Variants in NRG3 observed in about 807,000 individuals in gnomAD.
The protein encoded by NRG3 is pro-neuregulin-3, membrane-bound isoform.
In NRG3, 31 loss-of-function variants were observed where a neutral mutation model predicts 66.9. That is an observed-to-expected ratio of 0.46 (90% CI 0.35 to 0.63). The LOEUF (loss-of-function observed/expected upper bound fraction) is 0.63, where lower values mean the gene tolerates loss of function less well. Among genes scored for constraint, NRG3 ranks in the 20% least tolerant of loss-of-function variants. The probability of loss-of-function intolerance (pLI) is 0.00; values close to 1 mark genes in which losing one functional copy is unlikely to be tolerated. For missense variants in NRG3, 910 were observed against 878.9 expected, an observed-to-expected ratio of 1.04 and a Z score of -0.45; for synonymous variants, 393 against 359.4, an observed-to-expected ratio of 1.09 and a Z score of -1.06.
At chr10:81,894,738 C>T (rs1187253057) in intron 1 of NRG3, among the ~76,000 whole-genome samples, 1 of 152,174 alleles carries the variant, frequency 6.6e-6, no homozygotes, top group Non-Finnish European at 1.5e-5. Flanking sequence ...CCTGAGCGTT[C>T]TGTCCTCGTT....
At chr10:82,754,030 G>A (rs2058981198) in intron 3 of NRG3, among the ~76,000 whole-genome samples, 1 of 150,994 alleles carries the variant, frequency 6.6e-6, no homozygotes, top group Non-Finnish European at 1.5e-5. Flanking sequence ...AATTATTTCA[G>A]TATTTTTTCC....
intron 3 of NRG3, among the ~76,000 whole-genome samples, chr10:82,806,911 C>T (rs540019136): frequency 8.5e-5 from 13 of 152,294 alleles, no homozygotes; most frequent in African/African-American, 3.1e-4. Context: ...ACCTGCAAAT[C>T]ATTTTATTTT....
intron 3 of NRG3, among the ~76,000 whole-genome samples, chr10:82,768,085 C>G (rs184468959): frequency 5.3e-5 from 8 of 152,276 alleles, no homozygotes; most frequent in African/African-American, 1.9e-4. Context: ...GATGGCCTTC[C>G]AGGCTCCTTT....
chr10:82,852,524 C>T (rs2063611127), intron 3 of NRG3, among the ~76,000 whole-genome samples: 1 of 152,058 alleles, frequency 6.6e-6, no homozygotes, highest in African/African-American at 2.4e-5. Context: ...AATTAGCTCA[C>T]CTCTCTGAAA....
intron 2 of NRG3, among the ~76,000 whole-genome samples, chr10:82,596,676 A>G (rs2047300194): frequency 6.6e-6 from 1 of 152,100 alleles, no homozygotes; most frequent in South Asian, 2.1e-4. Flanking sequence ...AAAAGAAATA[A>G]TTTCACTTCT....
At chr10:82,814,735 T>C (rs1283621534) in intron 3 of NRG3, among the ~76,000 whole-genome samples, 2 of 152,250 alleles carry the variant, frequency 1.3e-5, no homozygotes, top group African/African-American at 4.8e-5. Context: ...GTATTTTCTG[T>C]ATAATTTAAA....
chr10:81,973,386 T>TATA (rs570039121), intron 1 of NRG3, among the ~76,000 whole-genome samples: 71 of 152,348 alleles, frequency 4.7e-4, no homozygotes, highest in African/African-American at 1.6e-3. Context: ...CATATGGCTT[T>TATA]ATAATAGAAT....
At chr10:82,502,028 G>A (rs918511787) in intron 2 of NRG3, among the ~76,000 whole-genome samples, 7 of 152,130 alleles carry the variant, frequency 4.6e-5, no homozygotes, top group South Asian at 2.1e-4. Flanking sequence ...AATGAAATCC[G>A]AAGAGATCCA....
chr10:82,836,853 T>C (rs2062806173), intron 3 of NRG3, among the ~76,000 whole-genome samples: 2 of 151,834 alleles, frequency 1.3e-5, no homozygotes, highest in African/African-American at 4.9e-5. Flanking sequence ...TAACTCATCA[T>C]TTAACATTAG....
intron 2 of NRG3, among the ~76,000 whole-genome samples, chr10:82,611,464 T>C (rs1366060063): frequency 6.6e-6 from 1 of 151,954 alleles, no homozygotes; most frequent in East Asian, 1.9e-4. Context: ...TTCCCCACCC[T>C]GTGTCCATGT....
intron 1 of NRG3, among the ~76,000 whole-genome samples, chr10:82,069,455 A>G (rs1030625707): frequency 4.6e-5 from 7 of 152,172 alleles, no homozygotes; most frequent in Non-Finnish European, 1.0e-4. Flanking sequence ...TAACTTTCCA[A>G]CAGCCATGTG....
intron 2 of NRG3, among the ~76,000 whole-genome samples, chr10:82,461,332 C>T (rs1327519230): frequency 6.6e-6 from 1 of 151,948 alleles, no homozygotes; most frequent in Non-Finnish European, 1.5e-5. Flanking sequence ...CCACCACCAC[C>T]ACCATCACCA....
chr10:82,025,856 A>G (rs1320425262), intron 1 of NRG3, among the ~76,000 whole-genome samples: 2 of 151,820 alleles, frequency 1.3e-5, no homozygotes, highest in African/African-American at 4.8e-5. Context: ...TTTTGTTTTG[A>G]TAGCTGAGCT....
At chr10:81,994,009 G>A (rs2060840630) in intron 1 of NRG3, among the ~76,000 whole-genome samples, 2 of 152,018 alleles carry the variant, frequency 1.3e-5, no homozygotes, top group Admixed American at 6.6e-5. Flanking sequence ...CCAAAGTTTT[G>A]CTATTTAAAA....
At position 82,170,338 on chromosome 10, in the gene NRG3, G is replaced by A. The variant is rs117881665; in HGVS notation, c.824-188401G>A. ...GACAGAGAGAGCAAGCATGTGGCCG[G>A]GTCTTCAGATTAGTAGTTACTTGAC... On this transcript the variant is annotated intron_variant, in intron 1 of 8. Coordinates refer to ENST00000372141, the MANE Select transcript of NRG3 (RefSeq NM_001010848.4). 4.9e-4 allele frequency among the ~76,000 whole-genome samples: 75 copies of A among 151,924 alleles called. No homozygotes were observed. The East Asian group carries it at 0.011, about 23-fold the overall frequency.
chr10:81,983,500 G>A (rs2060411004), intron 1 of NRG3, among the ~76,000 whole-genome samples: 1 of 152,118 alleles, frequency 6.6e-6, no homozygotes, highest in Admixed American at 6.5e-5. Flanking sequence ...GATGCAATTT[G>A]TCACCTAGAT....
At chr10:82,123,543 G>T (rs2068230384) in intron 1 of NRG3, among the ~76,000 whole-genome samples, 1 of 152,102 alleles carries the variant, frequency 6.6e-6, no homozygotes, top group African/African-American at 2.4e-5. Context: ...GCTGAGGACG[G>T]ACACTGGCAT....
chr10:82,594,543 A>T (rs1270020974), intron 2 of NRG3, among the ~76,000 whole-genome samples: 6 of 152,156 alleles, frequency 3.9e-5, no homozygotes, highest in African/African-American at 7.2e-5. Context: ...TGGTTATTTT[A>T]AAAAAATTTC....
intron 3 of NRG3, among the ~76,000 whole-genome samples, chr10:82,783,414 A>G (rs1165481472): frequency 6.6e-6 from 1 of 151,474 alleles, no homozygotes; most frequent in Non-Finnish European, 1.5e-5. Flanking sequence ...AGGAAATCAA[A>G]TTGTCCCTGT....
Sources: gnomAD v4.1 joint callset for allele counts (sites outside exome capture counted in the v4.1 genomes callset) on GRCh38, gnomAD v4.1.1 for gene constraint, MANE v1.5 for transcripts, NCBI Gene and HGNC (gene_info 2026-07-23, HGNC 2026-07-21) for gene names.